The following TNRC18 variants were observed in gnomAD, a reference collection of about 807,000 sequenced individuals.
TNRC18 encodes the protein trinucleotide repeat containing 18.
TNRC18 carries 69 observed loss-of-function variants against 226.7 expected under a neutral mutation model. The ratio of observed to expected loss-of-function variants is 0.30; its 90% CI spans 0.25 to 0.37. The LOEUF (loss-of-function observed/expected upper bound fraction) is 0.37. Ranked by LOEUF, TNRC18 falls within the 10% of genes least tolerant of loss-of-function variation. The probability of loss-of-function intolerance (pLI) is 1.00; values close to 1 mark genes in which losing one functional copy is unlikely to be tolerated. For missense variants in TNRC18, 4,754 were observed against 4,256.6 expected, an observed-to-expected ratio of 1.12 and a Z score of -3.25; for synonymous variants, 2,449 against 1,927.6, an observed-to-expected ratio of 1.27 and a Z score of -7.09.
At position 5,312,947 on chromosome 7, in the gene TNRC18, GGAGGAAGACGAAGAGGAA is replaced by G. The variant is rs1787392174; in HGVS notation, c.7926_7943del (p.Ser2666_Ser2671del). On this transcript the variant is annotated inframe_deletion, in exon 27 of 30. Transcript: ENST00000430969. The surrounding 1 kb of genome is among the most constrained non-coding windows in gnomAD (Gnocchi z 6.3). ...ACGAGGAAGAGGAGGAGGAGGAAGA[GGAGGAAGACGAAGAGGAA>G]GAGGAGGAGGAGGAAGAGGAGGAGG... 7.3e-7 allele frequency: 1 copy of G among 1,373,846 alleles called. No homozygotes were observed. The highest frequency in any genetic ancestry group is 1.0e-6 in the Non-Finnish European group (1 of 1,003,456). 85.1% of individuals were successfully genotyped at this position (1,373,846 alleles called of 1,614,324 possible). A position where few individuals can be genotyped will look rare whatever the true frequency, so the allele number is the denominator to read the frequency against.
intron 26 of TNRC18, 117 bp downstream of exon 26, chr7:5,314,867 C>G (rs1787685304): frequency 8.4e-7 from 1 of 1,192,574 alleles, no homozygotes; most frequent in South Asian, 1.6e-5. Context: ...GGCACTGCAC[C>G]CGGCTCAGAG....
Position 5,357,208 on chromosome 7 carries a change from G to A in TNRC18, c.4902C>T (p.Leu1634=), listed in dbSNP as rs764604188. 155 of 1,611,970 alleles carry A rather than the reference G, an allele frequency of 9.6e-5. No individual in the cohort carries two copies. Among genetic ancestry groups the A allele is most frequent in the Non-Finnish European group, 5.2e-5 (61 of 1,179,240 alleles). ...TCAACTTGTCCTGCTTGGTGAGGGA[G>A]AGGGCCTTGTCGAGCTTGCTTGCCA... ...EQLASKLDKA[L]SLTKQDKLKS... is the part of the protein sequence containing the mutation. The change falls in exon 16 of 30, where the codon CTC becomes CTT. Residue 1634 remains leucine, a synonymous_variant. Coordinates refer to ENST00000430969, the MANE Select transcript of TNRC18 (RefSeq NM_001080495.3).
chr7:5,347,371 T>G (rs1791306673), intron 17 of TNRC18, among the ~76,000 whole-genome samples: 1 of 146,352 alleles, frequency 6.8e-6, no homozygotes, highest in South Asian at 2.1e-4. Flanking sequence ...TTTTTTTTTG[T>G]ATTTTTAGTA....
Position 5,309,360 on chromosome 7 carries a change from G to A in TNRC18, c.8397C>T (p.Gly2799=). 6.2e-7 allele frequency: 1 copy of A among 1,611,630 alleles called. No homozygotes were observed. Residue 2799 remains glycine (G), a synonymous_variant, in exon 28 of 30, where the codon GGC becomes GGT. Transcript: ENST00000430969. This position sits in a 1 kb window ranked among gnomAD's most constrained non-coding sequence, Gnocchi z 5.7. The part of the protein sequence containing the change: ...KWFGKPTQRR[G]MKGKARKLFY... ...AGAGCTTGCGGGCCTTGCCCTTCAT[G>A]CCACGCCGCTGCAAGGACACGTGTG...
intron 17 of TNRC18, among the ~76,000 whole-genome samples, chr7:5,348,615 A>G (rs1361329316): frequency 7.2e-6 from 1 of 137,972 alleles, no homozygotes; most frequent in East Asian, 2.6e-4. Context: ...AAGGCGGTGA[A>G]GGTGATGAGT....
intron 27 of TNRC18, among the ~76,000 whole-genome samples, chr7:5,311,899 G>A (rs1420540729): frequency 6.6e-6 from 1 of 152,068 alleles, no homozygotes; most frequent in Non-Finnish European, 1.5e-5. Context: ...TTGGGAGTCC[G>A]AGGCAGGCAG....
In TNRC18 at chr7:5,388,160, C is replaced by T; in HGVS notation, c.1664G>A (p.Gly555Glu). The T allele has an allele frequency of 6.4e-7, 1 of 1,572,680 alleles. No individual in the cohort carries two copies. Among genetic ancestry groups the T allele is most frequent in the Non-Finnish European group, 8.6e-7 (1 of 1,161,078 alleles). ...GGCCGCCGAGCGGGGCAGCACAGCCCCAGGGTCCAGGTAGGCCTTCTTGGA... is the reference window on the plus strand; with the variant it reads ...GGCCGCCGAGCGGGGCAGCACAGCCTCAGGGTCCAGGTAGGCCTTCTTGGA... ...SSSKKAYLDP[G>E]AVLPRSAATC... The change falls in exon 5 of 30, where the codon GGG (glycine) becomes GAG (glutamate). Residue 555 changes from glycine (G) to glutamate (E), a missense_variant. By Grantham distance (98) the Gly-to-Glu change is moderately conservative (BLOSUM62 -2). Transcript: ENST00000430969.
intron 9 of TNRC18, 90 bp downstream of exon 9, chr7:5,375,944 A>T: frequency 7.6e-7 from 1 of 1,310,844 alleles, no homozygotes; most frequent in Non-Finnish European, 1.0e-6. Flanking sequence ...CCCTCCCTGT[A>T]ACTGTCTGGA....
intron 15 of TNRC18, among the ~76,000 whole-genome samples, chr7:5,358,486 C>T (rs1792688431): frequency 6.6e-6 from 1 of 152,158 alleles, no homozygotes; most frequent in South Asian, 2.1e-4. Context: ...CCCCGTCTCC[C>T]TCCATGAGCC....
chr7:5,401,133 G>C (rs1043507189), intron 2 of TNRC18, among the ~76,000 whole-genome samples: 4 of 148,048 alleles, frequency 2.7e-5, no homozygotes, highest in Admixed American at 6.9e-5. Context: ...ACCATGTCTG[G>C]CCCACCAATG....
At chr7:5,365,618 G>A (rs1793535265) in intron 11 of TNRC18, among the ~76,000 whole-genome samples, 1 of 151,674 alleles carries the variant, frequency 6.6e-6, no homozygotes, top group Admixed American at 6.6e-5. Context: ...TTTTTCAATT[G>A]ACATTTCATT....
Position 5,345,734 on chromosome 7 carries a change from C to T in TNRC18, c.5547G>A (p.Leu1849=). 1 of 1,548,630 alleles carries T rather than the reference C, an allele frequency of 6.5e-7. No individual in the cohort carries two copies. Among genetic ancestry groups the T allele is most frequent in the Non-Finnish European group, 8.7e-7 (1 of 1,146,830 alleles). Residue 1849 remains leucine, a synonymous_variant, in exon 18 of 30, where the codon CTG becomes CTA. Transcript: ENST00000430969. ...EDEASGGGYR[L]GARERALSPG... is the part of the protein sequence containing the mutation. The stretch of plus-strand genomic sequence containing the variant: ...GTGACAGGGCCCGCTCCCGGGCACC[C>T]AGCCTGTAGCCACCACCGCTGGCCT...
At chr7:5,334,635 C>A (rs1789902461) in intron 18 of TNRC18, among the ~76,000 whole-genome samples, 1 of 152,126 alleles carries the variant, frequency 6.6e-6, no homozygotes, top group Admixed American at 6.6e-5. Context: ...AAGGAGGCAG[C>A]AAGGGGCTTT....
At chr7:5,420,382 G>A (rs1246557386) in intron 2 of TNRC18, 6 of 456,016 alleles carry the variant, frequency 1.3e-5, no homozygotes, top group Non-Finnish European at 2.6e-5. Flanking sequence ...CCGCACCTCC[G>A]CACCCTCTTT....
intron 24 of TNRC18, among the ~76,000 whole-genome samples, chr7:5,319,798 C>A (rs1226775723): frequency 1.3e-5 from 2 of 152,204 alleles, no homozygotes; most frequent in Non-Finnish European, 2.9e-5. Context: ...GCATGAGCCA[C>A]CACATCCAGC....
intron 18 of TNRC18, among the ~76,000 whole-genome samples, chr7:5,338,903 A>G (rs1303103591): frequency 2.8e-5 from 4 of 144,598 alleles, no homozygotes; most frequent in Non-Finnish European, 6.0e-5. Context: ...CTGGGCAATG[A>G]GAGCGAAACT....
At position 5,368,459 on chromosome 7, in the gene TNRC18, A is replaced by T. The variant is rs532220933; in HGVS notation, c.4219+1916T>A. ...GGGTGGATCACTTGAGGTCAGGAGTACGAGACCAGCCTGGCCAACATGGTG... is the reference window on the plus strand; with the variant it reads ...GGGTGGATCACTTGAGGTCAGGAGTTCGAGACCAGCCTGGCCAACATGGTG... On this transcript the variant is annotated intron_variant, in intron 11 of 29. Coordinates refer to ENST00000430969, the MANE Select transcript of TNRC18 (RefSeq NM_001080495.3). 3.8e-4 allele frequency among the ~76,000 whole-genome samples: 57 copies of T among 151,222 alleles called. 1 individual carries two copies. The highest frequency in any genetic ancestry group is 4.3e-4 in the Non-Finnish European group (29 of 67,718).
chr7:5,374,710 G>A (rs948336463), intron 9 of TNRC18, among the ~76,000 whole-genome samples: 12 of 152,224 alleles, frequency 7.9e-5, no homozygotes, highest in African/African-American at 2.9e-4. Context: ...AGCGCTGGGG[G>A]TGAGGAGCTC....
At chr7:5,314,061 T>C (rs574878698) in intron 26 of TNRC18, among the ~76,000 whole-genome samples, 198 bp from the exon 27 acceptor site, 2 of 152,116 alleles carry the variant, frequency 1.3e-5, no homozygotes, top group South Asian at 4.1e-4. Flanking sequence ...TGGGCTCATG[T>C]GAGCCTCCAG....
Sources: gnomAD v4.1 joint callset for allele counts (sites outside exome capture counted in the v4.1 genomes callset) on GRCh38, gnomAD v4.1.1 for gene constraint, Gnocchi (gnomAD v3.1) non-coding constraint, MANE v1.5 for transcripts, NCBI Gene and HGNC (gene_info 2026-07-23, HGNC 2026-07-21) for gene names.